Variants in CROCC2 observed in about 807,000 individuals in gnomAD.
The protein encoded by CROCC2 is ciliary rootlet coiled-coil, rootletin family member 2.
A neutral mutation model predicts 177.6 loss-of-function variants in CROCC2; 163 were observed. That is an observed-to-expected ratio of 0.92 (90% confidence interval 0.81 to 1.05). The LOEUF is 1.05. Among genes scored for constraint, CROCC2 ranks in the 50% least tolerant of loss-of-function variants. The pLI, the probability that CROCC2 is intolerant of heterozygous loss-of-function variation, is 0.00. For synonymous variants in CROCC2, 904 were observed against 787.3 expected, an observed-to-expected ratio of 1.15 and a Z score of -2.48; for missense variants, 1,929 against 1,797.8, an observed-to-expected ratio of 1.07 and a Z score of -1.32.
chr2:240,943,499 T>TA (rs997718477), intron 14 of CROCC2, among the ~76,000 whole-genome samples: 2 of 148,124 alleles, frequency 1.4e-5, no homozygotes, highest in African/African-American at 5.1e-5. Context: ...TTTTTTTTTT[T>TA]AATTTTTAAG....
chr2:240,968,310 C>A (rs1003487226), intron 27 of CROCC2, 48 bp downstream of exon 27: 1 of 1,493,142 alleles, frequency 6.7e-7, no homozygotes, highest in East Asian at 2.5e-5. Flanking sequence ...AAGAACAAGG[C>A]CTCTCGGTCA....
intron 14 of CROCC2, among the ~76,000 whole-genome samples, chr2:240,937,964 C>T (rs1406283181): frequency 3.3e-5 from 5 of 152,174 alleles, no homozygotes; most frequent in Non-Finnish European, 5.9e-5. Context: ...CTCCCTTCAC[C>T]TTCCGCCATG....
chr2:240,942,053 C>T (rs1221390284), intron 14 of CROCC2, among the ~76,000 whole-genome samples: 1 of 152,180 alleles, frequency 6.6e-6, no homozygotes, highest in Non-Finnish European at 1.5e-5. Flanking sequence ...CTGAACCTGC[C>T]AGCACCTTGA....
In CROCC2 at chr2:240,930,959, G is replaced by T. The variant is rs1487118264; in HGVS notation, c.778G>T (p.Ala260Ser). The change falls in exon 7 of 32, where the codon GCC becomes TCC. Residue 260 changes from alanine (A) to serine (S), a missense_variant. Physicochemically the swap from Ala to Ser is moderately conservative, Grantham distance 99. This residue lies in a region of CROCC2 where 1,397 missense variants were observed against 1,239.9 expected (regional missense o/e 1.13). Transcript: ENST00000690015. ...CCTCGCTGACCTGCAGGCAGACACG[G>T]CCAGGACAGCCCGCCGCCTGCACAC... ...RGLADLQADT[A>S]RTARRLHTAC... The T allele has an allele frequency of 1.4e-6, 1 of 714,686 alleles. No homozygotes were observed. The highest frequency in any genetic ancestry group is 2.0e-5 in the Admixed American group (1 of 49,944). 44.3% of individuals were successfully genotyped at this position (714,686 alleles called of 1,614,324 possible).
chr2:240,989,501 C>G lies in CROCC2; in HGVS notation c.4684-153C>G, dbSNP rs1412554994. 2.6e-5 allele frequency among the ~76,000 whole-genome samples: 4 copies of G among 152,356 alleles called. No homozygotes were observed. In the South Asian group the frequency reaches 8.3e-4, roughly 32 times the overall value. On this transcript the variant is annotated intron_variant, in intron 29 of 31. Coordinates refer to ENST00000690015, the MANE Select transcript of CROCC2 (RefSeq NM_001351305.2). ...ACGGGCTGAACATGTGCACCTAACC[C>G]CAGGTCTGCTGGGCAGTCCTGGCCA...
chr2:240,910,993 T>C (rs1430636038), intron 1 of CROCC2, among the ~76,000 whole-genome samples: 1 of 151,910 alleles, frequency 6.6e-6, no homozygotes, highest in Non-Finnish European at 1.5e-5. Context: ...TAGCCAGGCA[T>C]GATGGCAGGC....
In CROCC2 at chr2:240,933,884, CT is replaced by C. The variant is rs753620486; in HGVS notation, c.1646+33del. The C allele has an allele frequency of 2.0e-6, 3 of 1,533,192 alleles. No homozygotes were observed. The South Asian group carries it at 3.6e-5, about 18-fold the overall frequency. The allele number at this position is 1,533,192 out of a possible 1,614,324, so 95.0% of individuals were successfully genotyped here. On this transcript the variant is annotated intron_variant, in intron 11 of 31. Coordinates refer to ENST00000690015, the MANE Select transcript of CROCC2 (RefSeq NM_001351305.2). The stretch of plus-strand genomic sequence containing the variant: ...GGCCGTGGCTGGGTGGGCAGGGCCC[CT>C]CCCACAGAAGAGACCCCACTCTGCC...
At chr2:240,925,426 G>A (rs922819476) in intron 4 of CROCC2, among the ~76,000 whole-genome samples, 8 of 152,214 alleles carry the variant, frequency 5.3e-5, no homozygotes, top group Admixed American at 2.0e-4. Context: ...ATTGAGGGAC[G>A]GGCCAAGGTT....
intron 27 of CROCC2, among the ~76,000 whole-genome samples, chr2:240,971,934 C>T (rs548064512): frequency 7.2e-5 from 11 of 152,256 alleles, no homozygotes; most frequent in South Asian, 2.1e-4. Context: ...ACGGTGGCCT[C>T]GTTCGGCCTG....
intron 14 of CROCC2, among the ~76,000 whole-genome samples, chr2:240,936,413 G>A (rs1046051513): frequency 6.6e-6 from 1 of 152,142 alleles, no homozygotes; most frequent in Non-Finnish European, 1.5e-5. Flanking sequence ...ACCTGTTTCC[G>A]AATTCCTTAT....
At position 240,949,256 on chromosome 2, in the gene CROCC2, C is replaced by T. The variant is rs2059540006; in HGVS notation, c.2482+159C>T. ...TCATGCGACTGAGCGACTTGGGCCA[C>T]CCTCGCCCATGAGGAGCAGCAACAC... On this transcript the variant is annotated intron_variant, in intron 16 of 31. Transcript: ENST00000690015. This position sits in a 1 kb window ranked among gnomAD's most constrained non-coding sequence, Gnocchi z 4.5. 1 of 939,096 alleles carries T rather than the reference C, an allele frequency of 1.1e-6. No individual in the cohort carries two copies. Among genetic ancestry groups the T allele is most frequent in the Non-Finnish European group, 1.3e-6 (1 of 787,768 alleles). 58.2% of individuals were successfully genotyped at this position (939,096 alleles called of 1,614,324 possible).
At chr2:240,907,868 G>C (rs529832648) in intron 1 of CROCC2, among the ~76,000 whole-genome samples, 9,742 of 62,458 alleles carry the variant, frequency 0.16, 562 homozygotes, top group East Asian at 0.19. Context: ...TCCTCCACCT[G>C]GGGTGAGCTC....
At chr2:240,936,566 C>T (rs779097061) in intron 14 of CROCC2, among the ~76,000 whole-genome samples, 4 of 152,182 alleles carry the variant, frequency 2.6e-5, no homozygotes, top group Non-Finnish European at 5.9e-5. Context: ...GATGAGTAAA[C>T]CACATCTGCT....
At chr2:240,956,925 G>T (rs74000201) in intron 19 of CROCC2, among the ~76,000 whole-genome samples, 6 of 152,126 alleles carry the variant, frequency 3.9e-5, no homozygotes, top group African/African-American at 7.2e-5. Flanking sequence ...ACAGTGGGGG[G>T]TGGCCAGAGC....
chr2:240,946,001 T>A, intron 14 of CROCC2, 59 bp from the exon 15 acceptor site: 5 of 1,355,598 alleles, frequency 3.7e-6, no homozygotes, highest in Non-Finnish European at 3.9e-6. Context: ...AAGAGGCCCA[T>A]GCTCACCCAC....
intron 18 of CROCC2, among the ~76,000 whole-genome samples, chr2:240,951,249 A>T (rs995503951): frequency 6.7e-6 from 1 of 149,894 alleles, no homozygotes; most frequent in African/African-American, 2.5e-5. Context: ...CCATCTGTCC[A>T]TCCATTCATT....
At position 240,983,693 on chromosome 2, in the gene CROCC2, C is replaced by A. The variant is rs907804594; in HGVS notation, c.4551+664C>A. 10 of 1,154,248 alleles carry A rather than the reference C, an allele frequency of 8.7e-6. No individual in the cohort carries two copies. In the South Asian group the frequency reaches 9.0e-5, roughly 10 times the overall value. The allele number at this position is 1,154,248 out of a possible 1,614,324, so 71.5% of individuals were successfully genotyped here. A position where few individuals can be genotyped will look rare whatever the true frequency, so the allele number is the denominator to read the frequency against. On this transcript the variant is annotated intron_variant, in intron 28 of 31. Transcript: ENST00000690015. ...ATGCTTCTGTGTCCTCACCTGCCGG[C>A]GGGGTGGCACTAAGCTCAGGGTCAG...
At chr2:240,935,829 G>C (rs1053141829) in intron 14 of CROCC2, among the ~76,000 whole-genome samples, 1 of 152,224 alleles carries the variant, frequency 6.6e-6, no homozygotes, top group African/African-American at 2.4e-5. Flanking sequence ...TGGCAGGGGA[G>C]CCCGGGCCTC....
Position 240,935,415 on chromosome 2 carries a change from G to GC in CROCC2, c.1999dup (p.Arg667ProfsTer95), listed in dbSNP as rs1285350451. On this transcript the variant is annotated frameshift_variant, in exon 14 of 32. Coordinates refer to ENST00000690015, the MANE Select transcript of CROCC2 (RefSeq NM_001351305.2). LOFTEE classifies it high-confidence loss of function. ...GCGGAAGACTCTGGAGCAGGAACGGGCCCGGGCCGGGGAGCAGCTGGCACA... is the reference window on the plus strand; with the variant it reads ...GCGGAAGACTCTGGAGCAGGAACGGGCCCCGGGCCGGGGAGCAGCTGGCACA... 7.3e-7 allele frequency: 1 copy of GC among 1,379,086 alleles called. No individual in the cohort carries two copies. The highest frequency in any genetic ancestry group is 9.4e-7 in the Non-Finnish European group (1 of 1,061,060). The allele number at this position is 1,379,086 out of a possible 1,614,324, so 85.4% of individuals were successfully genotyped here.
Sources: allele counts gnomAD v4.1 joint callset (sites outside exome capture counted in the v4.1 genomes callset), GRCh38; gene constraint gnomAD v4.1.1; regional missense constraint gnomAD v4.1.1; non-coding constraint Gnocchi (gnomAD v3.1); transcripts MANE v1.5; gene names NCBI Gene and HGNC (gene_info 2026-07-23, HGNC 2026-07-21).